The following TMEM39A variants were observed in gnomAD, a reference collection of about 807,000 sequenced individuals.
TMEM39A encodes the protein suppressor of SQST-1 aggregates in rpl-43 mutants.
TMEM39A carries 19 observed loss-of-function variants against 51.9 expected under a neutral mutation model. That is an observed-to-expected ratio of 0.37 (90% CI 0.26 to 0.54). The LOEUF (loss-of-function observed/expected upper bound fraction) is 0.54. Among genes scored for constraint, TMEM39A ranks in the 20% least tolerant of loss-of-function variants. The pLI, the probability that TMEM39A is intolerant of heterozygous loss-of-function variation, is 0.88. For missense variants in TMEM39A, 433 were observed against 590.5 expected (o/e 0.73, Z 2.76); for synonymous variants, 197 against 220.2 (o/e 0.89, Z 0.93).
Position 119,461,840 on chromosome 3 carries a change from T to C in TMEM39A, c.113+122A>G, listed in dbSNP as rs1246094996. The C allele has an allele frequency of 1.8e-5, 14 of 787,468 alleles. No individual in the cohort carries two copies. In the East Asian group the frequency reaches 4.3e-4, roughly 24 times the overall value. 48.8% of individuals were successfully genotyped at this position (787,468 alleles called of 1,614,324 possible). A position where few individuals can be genotyped will look rare whatever the true frequency, so the allele number is the denominator to read the frequency against. On this transcript the variant is annotated intron_variant, in intron 2 of 8. Coordinates refer to ENST00000319172, the MANE Select transcript of TMEM39A (RefSeq NM_018266.3). ...CTGAATTTTGTCTTGAAGGGCAGGA[T>C]TTCTACCACAGTGTCAAGAATAAAT...
intron 4 of TMEM39A, chr3:119,451,272 C>T (rs1404573994): frequency 8.5e-6 from 11 of 1,288,058 alleles, no homozygotes; most frequent in Non-Finnish European, 1.1e-5. Flanking sequence ...AGTTACTCTG[C>T]TTCCAGAAAT....
At chr3:119,439,028 A>C (rs1424879349) in intron 5 of TMEM39A, among the ~76,000 whole-genome samples, 5 of 152,202 alleles carry the variant, frequency 3.3e-5, no homozygotes, top group Non-Finnish European at 5.9e-5. Flanking sequence ...AACACTGTTT[A>C]AGTATGCAAT....
chr3:119,463,601 A>G lies in TMEM39A; in HGVS notation c.-340T>C. On this transcript the variant is annotated 5_prime_UTR_variant, in exon 1 of 9. An upstream start codon of the reference 5' UTR is lost. Coordinates refer to ENST00000319172, the MANE Select transcript of TMEM39A (RefSeq NM_018266.3). Reference sequence around the variant, plus strand: ...ACTTCAGCACCCATCCCTAGCCTCCATTACCGCGGAGCTGAGCAGACGTGG... The same window carrying G: ...ACTTCAGCACCCATCCCTAGCCTCCGTTACCGCGGAGCTGAGCAGACGTGG... The G allele has an allele frequency of 1.3e-5, 5 of 398,738 alleles. No homozygotes were observed. Among genetic ancestry groups the G allele is most frequent in the Non-Finnish European group, 2.2e-5 (5 of 226,116 alleles). 24.7% of individuals were successfully genotyped at this position (398,738 alleles called of 1,614,324 possible).
chr3:119,436,720 A>G, intron 7 of TMEM39A, 71 bp downstream of exon 7: 1 of 1,471,558 alleles, frequency 6.8e-7, no homozygotes, highest in South Asian at 1.3e-5. Context: ...CAAGAATGAC[A>G]TACAAAGCAA....
intron 5 of TMEM39A, among the ~76,000 whole-genome samples, chr3:119,446,280 C>T (rs1577057081): frequency 6.6e-6 from 1 of 152,190 alleles, no homozygotes; most frequent in East Asian, 1.9e-4. Context: ...AGCATAACTA[C>T]ACTTTGGAGC....
At chr3:119,451,318 C>T in intron 4 of TMEM39A, 1 of 1,285,588 alleles carries the variant, frequency 7.8e-7, no homozygotes, top group South Asian at 1.2e-5. Context: ...ACACACAGAC[C>T]TTCCATGTAT....
intron 4 of TMEM39A, among the ~76,000 whole-genome samples, chr3:119,451,003 T>A (rs920443497): frequency 6.6e-5 from 10 of 152,172 alleles, no homozygotes; most frequent in Non-Finnish European, 2.9e-5. Flanking sequence ...ACAAGTAGCA[T>A]GTCCAAGTAA....
intron 4 of TMEM39A, among the ~76,000 whole-genome samples, chr3:119,451,579 C>T (rs2081198800): frequency 1.3e-5 from 2 of 151,996 alleles, no homozygotes; most frequent in Admixed American, 6.6e-5. Flanking sequence ...GCCTGTAATC[C>T]CAGCACTTCG....
chr3:119,437,191 G>A (rs1483711275), intron 6 of TMEM39A, among the ~76,000 whole-genome samples: 1 of 152,066 alleles, frequency 6.6e-6, no homozygotes, highest in African/African-American at 2.4e-5. Context: ...GGAGGGAGAG[G>A]CAATTATATT....
At position 119,437,822 on chromosome 3, in the gene TMEM39A, T is replaced by A. The variant is rs1219091092; in HGVS notation, c.857A>T (p.Lys286Met). 2 of 1,605,784 alleles carry A rather than the reference T, an allele frequency of 1.2e-6. No homozygotes were observed. The highest frequency in any genetic ancestry group is 1.7e-6 in the Non-Finnish European group (2 of 1,173,304). Residue 286 changes from lysine to methionine, a missense_variant, in exon 6 of 9, where the codon AAG (lysine) becomes ATG (methionine). Transcript: ENST00000319172. ...GAAGAGGGAGTTGAAGAGAACCTCC[T>A]TGATTCTGTGGTTGAAATCTGCTTT... is the stretch of plus-strand genomic sequence containing the variant. ...CLKADFNHRIKEVLFNSLFSA... is the reference protein window; with the variant it reads ...CLKADFNHRIMEVLFNSLFSA...
intron 5 of TMEM39A, 185 bp downstream of exon 5, chr3:119,446,833 T>C (rs2081131858): frequency 4.6e-6 from 3 of 656,790 alleles, no homozygotes; most frequent in Non-Finnish European, 7.5e-6. Flanking sequence ...TTTATGCCTG[T>C]TGTCCCAACT....
intron 2 of TMEM39A, among the ~76,000 whole-genome samples, chr3:119,459,274 A>G (rs976160773): frequency 1.3e-5 from 2 of 152,206 alleles, no homozygotes; most frequent in East Asian, 3.9e-4. Context: ...TTTATGCTGA[A>G]CACCTGTGTT....
intron 5 of TMEM39A, among the ~76,000 whole-genome samples, chr3:119,438,850 T>C (rs2081011682): frequency 6.6e-6 from 1 of 152,210 alleles, no homozygotes. Context: ...CCTGCTTATT[T>C]TTCTCCACAG....
chr3:119,435,442 C>A, intron 7 of TMEM39A: 1 of 983,694 alleles, frequency 1.0e-6, no homozygotes, highest in Non-Finnish European at 1.2e-6. Flanking sequence ...CACACACACA[C>A]AGACTTTTCA....
At chr3:119,450,144 A>C (rs916080485) in intron 4 of TMEM39A, among the ~76,000 whole-genome samples, 1 of 152,268 alleles carries the variant, frequency 6.6e-6, no homozygotes, top group Non-Finnish European at 1.5e-5. Context: ...TAACACATTC[A>C]TATCACTCAA....
chr3:119,440,740 G>T (rs2081041859), intron 5 of TMEM39A, among the ~76,000 whole-genome samples: 1 of 152,072 alleles, frequency 6.6e-6, no homozygotes, highest in African/African-American at 2.4e-5. Context: ...TTAGATAAAA[G>T]GTGGATTATA....
chr3:119,435,721 C>T, intron 7 of TMEM39A: 18 of 999,566 alleles, frequency 1.8e-5, no homozygotes, highest in Non-Finnish European at 2.1e-5. Context: ...TTTCCCAGTT[C>T]AGAAAATGTT....
chr3:119,438,807 T>C (rs970323585), intron 5 of TMEM39A, among the ~76,000 whole-genome samples: 3 of 152,162 alleles, frequency 2.0e-5, no homozygotes, highest in Admixed American at 6.6e-5. Context: ...GTATCACCCA[T>C]CCCACTCCCA....
intron 5 of TMEM39A, among the ~76,000 whole-genome samples, chr3:119,439,241 T>G (rs1389855805): frequency 1.3e-5 from 2 of 152,202 alleles, no homozygotes; most frequent in African/African-American, 4.8e-5. Flanking sequence ...ATAAATTAAA[T>G]GGTCATTTCA....
Sources: gnomAD v4.1 joint callset for allele counts (sites outside exome capture counted in the v4.1 genomes callset) on GRCh38, gnomAD v4.1.1 for gene constraint, MANE v1.5 for transcripts, NCBI Gene and HGNC (gene_info 2026-07-23, HGNC 2026-07-21) for gene names.